Variants in CATSPERT observed in about 807,000 individuals in gnomAD.
CATSPERT encodes the protein cation channel sperm-associated targeting subunit tau.
chr2:201,565,704 A>AG, the CATSPERT span: 16 of 1,169,994 alleles, frequency 1.4e-5, no homozygotes, highest in African/African-American at 3.5e-4. Context: ...AGCTCTTTTG[A>AG]ATTTTTTTTT....
the CATSPERT span, among the ~76,000 whole-genome samples, chr2:201,572,745 A>G: frequency 6.6e-6 from 1 of 152,120 alleles, no homozygotes; most frequent in African/African-American, 2.4e-5. Context: ...CAGAAGAAAA[A>G]GTAAAAAATC....
chr2:201,528,264 G>A, the CATSPERT span, among the ~76,000 whole-genome samples: 1 of 152,098 alleles, frequency 6.6e-6, no homozygotes, highest in African/African-American at 2.4e-5. Flanking sequence ...AAAAACAATA[G>A]ATGCTGGTGA....
the CATSPERT span, among the ~76,000 whole-genome samples, chr2:201,513,566 G>A: frequency 6.6e-6 from 1 of 152,194 alleles, no homozygotes; most frequent in Non-Finnish European, 1.5e-5. Context: ...TCAGCCAGCA[G>A]TCCCATTACC....
chr2:201,516,229 AC>A, the CATSPERT span, among the ~76,000 whole-genome samples: 1 of 152,210 alleles, frequency 6.6e-6, no homozygotes, highest in Non-Finnish European at 1.5e-5. Context: ...GTCTTATGGT[AC>A]TGCCGTCACA....
chr2:201,618,381 AT>A, the CATSPERT span, among the ~76,000 whole-genome samples: 2 of 152,148 alleles, frequency 1.3e-5, no homozygotes, highest in Non-Finnish European at 2.9e-5. Context: ...ATGCAGCCAT[AT>A]AAAAAGGATG....
At chr2:201,504,351 T>C in the CATSPERT span, among the ~76,000 whole-genome samples, 1 of 152,226 alleles carries the variant, frequency 6.6e-6, no homozygotes, top group Non-Finnish European at 1.5e-5. Context: ...GACATCCATT[T>C]TGAATACAAG....
At chr2:201,566,057 G>C in the CATSPERT span, among the ~76,000 whole-genome samples, 5 of 152,088 alleles carry the variant, frequency 3.3e-5, no homozygotes, top group African/African-American at 1.2e-4. Context: ...GTGCTCTCTT[G>C]ATTATCCTTA....
the CATSPERT span, among the ~76,000 whole-genome samples, chr2:201,501,228 G>A: frequency 2.0e-5 from 3 of 151,366 alleles, no homozygotes; most frequent in Admixed American, 6.6e-5. Flanking sequence ...GAGAAACCCC[G>A]TCTCTACTAA....
At chr2:201,606,898 C>CAA in the CATSPERT span, among the ~76,000 whole-genome samples, 9 of 58,610 alleles carry the variant, frequency 1.5e-4, no homozygotes, top group African/African-American at 3.3e-4. Context: ...GACTCTGTCT[C>CAA]AAAAAAAAAA....
At chr2:201,597,110 T>C in the CATSPERT span, among the ~76,000 whole-genome samples, 11 of 152,224 alleles carry the variant, frequency 7.2e-5, no homozygotes, top group African/African-American at 2.7e-4. Context: ...GCAGATTATG[T>C]TCGTCCTATA....
chr2:201,525,892 A>G, the CATSPERT span, among the ~76,000 whole-genome samples: 5 of 152,168 alleles, frequency 3.3e-5, no homozygotes, highest in Non-Finnish European at 5.9e-5. Context: ...TCCTGGATAC[A>G]TACAACCTCC....
the CATSPERT span, chr2:201,534,675 A>G: frequency 1.0e-6 from 1 of 982,886 alleles, no homozygotes; most frequent in Non-Finnish European, 1.2e-6. Context: ...GTTGGTAAGA[A>G]TGTAAAGTGG....
At chr2:201,601,852 G>A in the CATSPERT span, 76 of 1,603,830 alleles carry the variant, frequency 4.7e-5, 1 homozygote, top group African/African-American at 4.8e-4. Flanking sequence ...ATAGAGATGC[G>A]AATGAATAAA....
At chr2:201,591,028 T>C in the CATSPERT span, among the ~76,000 whole-genome samples, 1 of 152,230 alleles carries the variant, frequency 6.6e-6, no homozygotes, top group Non-Finnish European at 1.5e-5. Context: ...TTGCCATTGC[T>C]TTTGGTGTTT....
chr2:201,560,468 T>TAATAACAAC, the CATSPERT span, among the ~76,000 whole-genome samples: 6 of 63,228 alleles, frequency 9.5e-5, no homozygotes, highest in African/African-American at 2.2e-4. Context: ...ATAATAATAA[T>TAATAACAAC]AACAACAACA....
the CATSPERT span, chr2:201,491,110 A>T: frequency 2.9e-6 from 4 of 1,390,926 alleles, no homozygotes; most frequent in South Asian, 2.8e-5. Flanking sequence ...TATACACCCT[A>T]AATTATTGCC....
chr2:201,583,881 C>T, the CATSPERT span, among the ~76,000 whole-genome samples: 2 of 152,184 alleles, frequency 1.3e-5, no homozygotes, highest in Admixed American at 1.3e-4. Context: ...TGAAAATATA[C>T]TCCTGGCACA....
the CATSPERT span, among the ~76,000 whole-genome samples, chr2:201,585,795 GTAT>G: frequency 6.6e-6 from 1 of 152,258 alleles, no homozygotes; most frequent in South Asian, 2.1e-4. Context: ...AAAGAGTAGT[GTAT>G]AATCTCCAAA....
chr2:201,491,446 C>T, the CATSPERT span: 1 of 1,537,076 alleles, frequency 6.5e-7, no homozygotes, highest in Non-Finnish European at 8.7e-7. Flanking sequence ...TTTTTCACTG[C>T]AAATTTCATC....
Sources: gnomAD v4.1 joint callset for allele counts (sites outside exome capture counted in the v4.1 genomes callset) on GRCh38, gnomAD v4.1.1 for gene constraint, MANE v1.5 for transcripts, NCBI Gene and HGNC (gene_info 2026-07-23, HGNC 2026-07-21) for gene names.